PLD5: variants seen among roughly 807,000 people sequenced by gnomAD.
PLD5 encodes the protein inactive phospholipase D5.
Under a neutral mutation model 61.1 loss-of-function variants are expected in PLD5, and 36 were observed. The ratio of observed to expected loss-of-function variants is 0.59; its 90% confidence interval spans 0.45 to 0.78. The LOEUF is 0.78. Ranked by LOEUF, PLD5 falls within the 30% of genes least tolerant of loss-of-function variation. PLD5 has a pLI of 0.00. For synonymous variants in PLD5, 243 were observed against 242.8 expected (o/e 1.00, Z -0.01); for missense variants, 515 against 644.4 (o/e 0.80, Z 2.17).
At position 242,132,206 on chromosome 1, in the gene PLD5, G is replaced by T. The variant is rs796115650; in HGVS notation, c.736-7541C>A. On this transcript the variant is annotated intron_variant, in intron 5 of 9. Transcript: ENST00000536534. ...TGCAGTGATTGCGGGGGGGGGGGGG[G>T]GCGGAATCATTTTTAGCTAGGTCAT... is the stretch of plus-strand genomic sequence containing the variant. Among the ~76,000 whole-genome samples, 20 of 87,080 alleles carry T rather than the reference G, an allele frequency of 2.3e-4. 3 individuals carry two copies. Among genetic ancestry groups the T allele is most frequent in the African/African-American group, 9.1e-4 (16 of 17,618 alleles). 57.1% of individuals were successfully genotyped at this position (87,080 alleles called of 152,430 possible).
At chr1:242,255,939 C>T (rs1363633015) in intron 4 of PLD5, among the ~76,000 whole-genome samples, 5 of 152,192 alleles carry the variant, frequency 3.3e-5, no homozygotes, top group African/African-American at 1.2e-4. Flanking sequence ...CGAGTAAAGG[C>T]CAATTAAACG....
chr1:242,155,027 G>C (rs1665241044), intron 5 of PLD5, among the ~76,000 whole-genome samples: 1 of 152,128 alleles, frequency 6.6e-6, no homozygotes, highest in African/African-American at 2.4e-5. Context: ...TTCAGAACTT[G>C]TTATTGATCT....
intron 1 of PLD5, among the ~76,000 whole-genome samples, chr1:242,458,489 C>T (rs1030852438): frequency 3.3e-5 from 5 of 152,248 alleles, no homozygotes; most frequent in Admixed American, 1.3e-4. Flanking sequence ...AAAGCCAAGG[C>T]TCATTGTTCC....
At chr1:242,471,372 G>C (rs1379727477) in intron 1 of PLD5, among the ~76,000 whole-genome samples, 4 of 152,224 alleles carry the variant, frequency 2.6e-5, no homozygotes, top group Middle Eastern at 3.4e-3. Context: ...TACTCCTGAG[G>C]AGCCAATCCC....
intron 3 of PLD5, among the ~76,000 whole-genome samples, chr1:242,269,652 T>C (rs1348031488): frequency 2.6e-5 from 4 of 151,940 alleles, no homozygotes; most frequent in Non-Finnish European, 5.9e-5. Flanking sequence ...TTATATACTA[T>C]CTTTGGCTAA....
chr1:242,473,432 C>T (rs1355938715), intron 1 of PLD5, among the ~76,000 whole-genome samples: 1 of 152,090 alleles, frequency 6.6e-6, no homozygotes. Flanking sequence ...TGAGACAATA[C>T]ACAGTAAGTA....
chr1:242,409,210 C>T (rs149378201), intron 1 of PLD5, among the ~76,000 whole-genome samples: 1 of 152,252 alleles, frequency 6.6e-6, no homozygotes, highest in African/African-American at 2.4e-5. Context: ...ACACAACCTT[C>T]CTGTTTCTTC....
At chr1:242,123,897 T>C (rs1312294209) in intron 6 of PLD5, among the ~76,000 whole-genome samples, 1 of 152,152 alleles carries the variant, frequency 6.6e-6, no homozygotes, top group African/African-American at 2.4e-5. Context: ...TAATGGTTCT[T>C]AGCAGAGTCA....
At chr1:242,214,953 C>T (rs7533787) in intron 5 of PLD5, among the ~76,000 whole-genome samples, 45,389 of 146,042 alleles carry the variant, frequency 0.31, 7,284 homozygotes, top group South Asian at 0.42. Flanking sequence ...CCTGGCTCAC[C>T]ACAAGCTCTG....
intron 4 of PLD5, among the ~76,000 whole-genome samples, chr1:242,252,735 G>A (rs1197572175): frequency 2.6e-5 from 4 of 151,910 alleles, no homozygotes; most frequent in East Asian, 3.9e-4. Context: ...AATGCTGACC[G>A]TGGGATCCCT....
chr1:242,374,758 G>A (rs932178707), intron 1 of PLD5, among the ~76,000 whole-genome samples: 26 of 152,254 alleles, frequency 1.7e-4, no homozygotes, highest in African/African-American at 5.8e-4. Context: ...ATTAGCATTA[G>A]ATCTTACCCT....
intron 2 of PLD5, among the ~76,000 whole-genome samples, chr1:242,308,498 CATAAAATTATTTAAACATA>C (rs1676506875): frequency 6.6e-6 from 1 of 152,036 alleles, no homozygotes; most frequent in Non-Finnish European, 1.5e-5. Context: ...TTTTAAAACT[CATAAAATTATTTAAACATA>C]TTAAAATTAT....
At chr1:242,449,943 C>T (rs1156475068) in intron 1 of PLD5, among the ~76,000 whole-genome samples, 1 of 152,160 alleles carries the variant, frequency 6.6e-6, no homozygotes, top group African/African-American at 2.4e-5. Context: ...TGTGGCGTAG[C>T]GCTGTCAAAT....
At position 242,403,850 on chromosome 1, in the gene PLD5, TCTC is replaced by T. The variant is rs546407282; in HGVS notation, c.190-55611_190-55609del. ...GGGCTTTTCCTCCTTTTCTGCCTCT[TCTC>T]AATCCCTTCCTCAGTGTGAGTTTGA... On this transcript the variant is annotated intron_variant, in intron 1 of 9. Transcript: ENST00000536534. 2.1e-3 allele frequency among the ~76,000 whole-genome samples: 325 copies of T among 152,272 alleles called. 2 individuals are homozygous for T. The highest frequency in any genetic ancestry group is 3.9e-3 in the Non-Finnish European group (268 of 68,028).
In PLD5 at chr1:242,100,732, C is replaced by G. The variant is rs751429129; in HGVS notation, c.1290G>C (p.Lys430Asn). ...GATTTAACCTAGGAAAGGTGTGATT[C>G]TTTTGTTCTTTTGTAGCACAAGCAT... is the stretch of plus-strand genomic sequence containing the variant. ...RENACATKEQ[K>N]NHTFPRLNRN... is the part of the protein sequence containing the mutation. Residue 430 changes from lysine to asparagine, a missense_variant, in exon 9 of 10, where the codon AAG becomes AAC. Physicochemically the swap from Lys to Asn is moderately conservative, Grantham distance 94 (BLOSUM62 0). Transcript: ENST00000536534. 9.3e-6 allele frequency: 15 copies of G among 1,613,452 alleles called. No individual in the cohort carries two copies. In the Admixed American group the frequency reaches 2.3e-4, roughly 25 times the overall value.
At chr1:242,227,047 T>C (rs887327671) in intron 4 of PLD5, among the ~76,000 whole-genome samples, 3 of 152,206 alleles carry the variant, frequency 2.0e-5, no homozygotes, top group African/African-American at 7.2e-5. Flanking sequence ...AAAAGGAGTA[T>C]ATTCTTGAGA....
intron 9 of PLD5, among the ~76,000 whole-genome samples, chr1:242,098,636 T>G (rs1324608652): frequency 1.3e-5 from 2 of 152,242 alleles, no homozygotes; most frequent in African/African-American, 4.8e-5. Context: ...AGAGGTGCTC[T>G]GATTTTTAGA....
chr1:242,318,210 A>G (rs1658143667), intron 2 of PLD5, among the ~76,000 whole-genome samples: 1 of 152,206 alleles, frequency 6.6e-6, no homozygotes, highest in East Asian at 1.9e-4. Flanking sequence ...GGCGGTGCTC[A>G]GACAGGCTGG....
chr1:242,204,111 C>T (rs981801498), intron 5 of PLD5, among the ~76,000 whole-genome samples: 57 of 151,364 alleles, frequency 3.8e-4, no homozygotes, highest in African/African-American at 1.1e-3. Flanking sequence ...GGTGTGGTGG[C>T]GGGCGCCTGT....
Sources: gnomAD v4.1 joint callset for allele counts (sites outside exome capture counted in the v4.1 genomes callset) on GRCh38, gnomAD v4.1.1 for gene constraint, MANE v1.5 for transcripts, NCBI Gene and HGNC (gene_info 2026-07-23, HGNC 2026-07-21) for gene names.